The following ANKFY1 variants were observed in gnomAD, a reference collection of about 807,000 sequenced individuals.
ANKFY1 encodes ankyrin repeat and FYVE domain-containing protein 1.
A neutral mutation model predicts 128.3 loss-of-function variants in ANKFY1; 47 were observed. The ratio of observed to expected loss-of-function variants is 0.37; its 90% confidence interval spans 0.29 to 0.47. ANKFY1 has a LOEUF of 0.47. Ranked by LOEUF, ANKFY1 falls within the 20% of genes least tolerant of loss-of-function variation. ANKFY1 has a pLI of 1.00. For missense variants in ANKFY1, 1,222 were observed against 1,510.6 expected, an observed-to-expected ratio of 0.81 and a Z score of 3.17; for synonymous variants, 553 against 601.6, an observed-to-expected ratio of 0.92 and a Z score of 1.18.
intron 15 of ANKFY1, 40 bp downstream of exon 15, chr17:4,182,141 C>A (rs1248622811): frequency 7.0e-7 from 1 of 1,423,286 alleles, no homozygotes; most frequent in Non-Finnish European, 9.3e-7. Context: ...CACAACATAT[C>A]CCCATCTGTA....
At chr17:4,198,991 C>G (rs1474461430) in intron 7 of ANKFY1, among the ~76,000 whole-genome samples, 1 of 151,836 alleles carries the variant, frequency 6.6e-6, no homozygotes, top group Non-Finnish European at 1.5e-5. Context: ...ATGGGGAGAC[C>G]CCATCTCTAC....
chr17:4,225,729 C>G (rs79032957), intron 3 of ANKFY1, among the ~76,000 whole-genome samples: 3,078 of 152,206 alleles, frequency 0.02, 110 homozygotes, highest in African/African-American at 0.07. Context: ...CGTTTTGTTC[C>G]TCTCCTATGG....
Position 4,230,112 on chromosome 17 carries a change from T to C in ANKFY1, c.322+5660A>G, listed in dbSNP as rs188290789. 1.8e-4 allele frequency among the ~76,000 whole-genome samples: 28 copies of C among 152,328 alleles called. No homozygotes were observed. The East Asian group carries it at 3.7e-3, about 20-fold the overall frequency. On this transcript the variant is annotated intron_variant, in intron 3 of 24. Coordinates refer to ENST00000341657, the MANE Select transcript of ANKFY1 (RefSeq NM_001330063.2). ...CACAGTAGCCAACAGATGTTGAATATTGCTGTGCTTCTCTTAAAAATTTAA... is the reference window on the plus strand; with the variant it reads ...CACAGTAGCCAACAGATGTTGAATACTGCTGTGCTTCTCTTAAAAATTTAA...
At chr17:4,176,357 C>A (rs1266393351) in intron 19 of ANKFY1, among the ~76,000 whole-genome samples, 1 of 152,208 alleles carries the variant, frequency 6.6e-6, no homozygotes, top group Non-Finnish European at 1.5e-5. Flanking sequence ...GAGGGACCAG[C>A]GACAGCCAGC....
chr17:4,253,750 G>A (rs572096237), intron 1 of ANKFY1, among the ~76,000 whole-genome samples: 1 of 152,174 alleles, frequency 6.6e-6, no homozygotes, highest in East Asian at 1.9e-4. Context: ...TTCACTGGTA[G>A]TATCTTGAAC....
Position 4,189,414 on chromosome 17 carries a change from T to A in ANKFY1, c.1438A>T (p.Asn480Tyr), listed in dbSNP as rs1230817581. ...NEAAALFLAT[N>Y]GAHVNHRNKW... The stretch of plus-strand genomic sequence containing the variant: ...TTTCTGTGGTTGACATGGGCACCGT[T>A]GGTTGCCAGGAAAAGAGCTGCTGCC... The change falls in exon 11 of 25, where the codon AAC (asparagine) becomes TAC (tyrosine). Residue 480 changes from asparagine to tyrosine, a missense_variant. Physicochemically the swap from Asn to Tyr is moderately radical, Grantham distance 143. Transcript: ENST00000341657. 6 of 1,591,988 alleles carry A rather than the reference T, an allele frequency of 3.8e-6. No homozygotes were observed. The highest frequency in any genetic ancestry group is 5.1e-6 in the Non-Finnish European group (6 of 1,166,496).
At position 4,178,673 on chromosome 17, in the gene ANKFY1, C is replaced by G; in HGVS notation, c.2598+184G>C. On this transcript the variant is annotated intron_variant, in intron 18 of 24. Transcript: ENST00000341657. The surrounding 1 kb of genome is among the most constrained non-coding windows in gnomAD (Gnocchi z 4.1). The stretch of plus-strand genomic sequence containing the variant: ...GCACTGTCAGGCGCTGACACACAGG[C>G]AGAGGAGCCGGATCTCATCCTGCAC... 1 of 636,824 alleles carries G rather than the reference C, an allele frequency of 1.6e-6. No homozygotes were observed. Among genetic ancestry groups the G allele is most frequent in the Non-Finnish European group, 2.7e-6 (1 of 366,500 alleles). 39.4% of individuals were successfully genotyped at this position (636,824 alleles called of 1,614,324 possible). A position where few individuals can be genotyped will look rare whatever the true frequency, so the allele number is the denominator to read the frequency against.
chr17:4,204,015 A>G (rs2059980915), intron 7 of ANKFY1, among the ~76,000 whole-genome samples: 1 of 152,102 alleles, frequency 6.6e-6, no homozygotes, highest in South Asian at 2.1e-4. Flanking sequence ...GACTCCCCCA[A>G]GACACTGCCT....
At chr17:4,176,966 C>A (rs2059420860) in intron 19 of ANKFY1, among the ~76,000 whole-genome samples, 160 bp downstream of exon 19, 1 of 152,236 alleles carries the variant, frequency 6.6e-6, no homozygotes, top group South Asian at 2.1e-4. Context: ...TCAGGACGTG[C>A]AGCCCTTGAC....
chr17:4,183,445 G>C lies in ANKFY1; in HGVS notation c.1905C>G (p.Ser635Arg). 6.2e-7 allele frequency: 1 copy of C among 1,613,840 alleles called. No individual in the cohort carries two copies. Among genetic ancestry groups the C allele is most frequent in the Non-Finnish European group, 8.5e-7 (1 of 1,180,046 alleles). ...LLHMAIQRQD[S>R]KSALFLLEHQ... ...GCTCCAGCAGGAAGAGTGCGCTCTT[G>C]CTGTCCTGCCGCTGTATGGCCATGT... Residue 635 changes from serine (S) to arginine (R), a missense_variant, in exon 14 of 25, where the codon AGC becomes AGG. Transcript: ENST00000341657.
intron 2 of ANKFY1, among the ~76,000 whole-genome samples, chr17:4,238,119 G>C (rs1207412485): frequency 1.4e-5 from 2 of 147,472 alleles, no homozygotes; most frequent in Non-Finnish European, 3.0e-5. Flanking sequence ...GACCAGCCTG[G>C]GCAACAGAGT....
intron 10 of ANKFY1, among the ~76,000 whole-genome samples, chr17:4,190,014 G>T (rs1397216974): frequency 6.6e-6 from 1 of 152,198 alleles, no homozygotes; most frequent in East Asian, 1.9e-4. Flanking sequence ...CTTGCTGAGG[G>T]TGGGTTAGAG....
Position 4,169,005 on chromosome 17 carries a change from G to A in ANKFY1, c.3377+193C>T, listed in dbSNP as rs1199982246. 1 of 549,830 alleles carries A rather than the reference G, an allele frequency of 1.8e-6. No individual in the cohort carries two copies. The allele number at this position is 549,830 out of a possible 1,614,324, so 34.1% of individuals were successfully genotyped here. On this transcript the variant is annotated intron_variant, in intron 24 of 24. Coordinates refer to ENST00000341657, the MANE Select transcript of ANKFY1 (RefSeq NM_001330063.2). The surrounding 1 kb of genome is among the most constrained non-coding windows in gnomAD (Gnocchi z 5.0). ...CAGCAGGAAAGCCACCCGTCTGCAG[G>A]CTCCCTGCCTTCCCTACATCTCTGT...
intron 10 of ANKFY1, among the ~76,000 whole-genome samples, chr17:4,190,041 TG>T (rs1465519976): frequency 2.0e-5 from 3 of 152,194 alleles, no homozygotes; most frequent in Admixed American, 1.3e-4. Context: ...TTCTCAACAG[TG>T]GTGCTACGGA....
chr17:4,205,374 A>G (rs1005994125), intron 7 of ANKFY1, among the ~76,000 whole-genome samples: 2 of 152,226 alleles, frequency 1.3e-5, no homozygotes, highest in Non-Finnish European at 2.9e-5. Context: ...GGACTCATGA[A>G]TTAGTAAGAC....
rs372432486 is a variant in ANKFY1 at position 4,181,386 on chromosome 17, T to C, written c.2122-14A>G. On this transcript the variant is annotated splice_polypyrimidine_tract_variant and intron_variant, in intron 15 of 24. Coordinates refer to ENST00000341657, the MANE Select transcript of ANKFY1 (RefSeq NM_001330063.2). This position sits in a 1 kb window ranked among gnomAD's most constrained non-coding sequence, Gnocchi z 4.9. ...GCCATGTCTGACCTGCAGAAAAACATAGGTTATTCACAAACACTGCTGAGC... is the reference window on the plus strand; with the variant it reads ...GCCATGTCTGACCTGCAGAAAAACACAGGTTATTCACAAACACTGCTGAGC... The C allele has an allele frequency of 9.4e-6, 15 of 1,598,010 alleles. No homozygotes were observed. Among genetic ancestry groups the C allele is most frequent in the African/African-American group, 8.0e-5 (6 of 74,570 alleles).
intron 1 of ANKFY1, among the ~76,000 whole-genome samples, chr17:4,250,934 T>C (rs1967794029): frequency 6.6e-6 from 1 of 152,160 alleles, no homozygotes; most frequent in Admixed American, 6.5e-5. Flanking sequence ...CACAGACAGC[T>C]GATTCTAAAA....
At chr17:4,250,495 A>G (rs1398209357) in intron 1 of ANKFY1, among the ~76,000 whole-genome samples, 1 of 152,226 alleles carries the variant, frequency 6.6e-6, no homozygotes, top group Non-Finnish European at 1.5e-5. Flanking sequence ...CACTGCTGAC[A>G]GAAATGAAAG....
At chr17:4,215,800 A>C (rs553259813) in intron 4 of ANKFY1, among the ~76,000 whole-genome samples, 1 of 152,354 alleles carries the variant, frequency 6.6e-6, no homozygotes, top group African/African-American at 2.4e-5. Context: ...TACATAAGCA[A>C]GTCTGACAAG....
Sources: gnomAD v4.1 joint callset for allele counts (sites outside exome capture counted in the v4.1 genomes callset) on GRCh38, gnomAD v4.1.1 for gene constraint, Gnocchi (gnomAD v3.1) non-coding constraint, MANE v1.5 for transcripts, NCBI Gene and HGNC (gene_info 2026-07-23, HGNC 2026-07-21) for gene names.